CFHR4: variants seen among roughly 807,000 people sequenced by gnomAD.
CFHR4 encodes the protein complement factor H-related protein 4.
A neutral mutation model predicts 69.3 loss-of-function variants in CFHR4; 64 were observed. That is an observed-to-expected ratio of 0.92 (90% confidence interval 0.76 to 1.14). The LOEUF (loss-of-function observed/expected upper bound fraction) is 1.14. Among genes scored for constraint, CFHR4 ranks in the 50% most tolerant of loss-of-function variants. The pLI is 0.00. For missense variants in CFHR4, 636 were observed against 684.9 expected (o/e 0.93, Z 0.80); for synonymous variants, 244 against 237.0 (o/e 1.03, Z -0.27).
rs1445565902 is a variant in CFHR4 at position 196,902,528 on chromosome 1, G to C, written c.169G>C (p.Asp57His). The C allele has an allele frequency of 5.6e-6, 9 of 1,611,700 alleles. No individual in the cohort carries two copies. Among genetic ancestry groups the C allele is most frequent in the Non-Finnish European group, 7.6e-6 (9 of 1,178,920 alleles). Residue 57 changes from aspartate (D) to histidine (H), a missense_variant, in exon 2 of 10, where the codon GAT becomes CAT. Around this residue, in one of 3 missense-constraint regions of CFHR4, gnomAD observed 529 missense variants for 533.2 expected, o/e 0.99. Coordinates refer to ENST00000608469, the MANE Select transcript of CFHR4 (RefSeq NM_001201550.3). ...AGGACAATCTTATTCCTATTACTGT[G>C]ATCAAAATTTTGTGACTCCTTCAGG... Reference protein sequence around the residue: ...AAGQSYSYYCDQNFVTPSGSY... With the variant: ...AAGQSYSYYCHQNFVTPSGSY...
intron 1 of CFHR4, among the ~76,000 whole-genome samples, chr1:196,889,936 G>A (rs1433574138): frequency 2.6e-5 from 4 of 151,420 alleles, no homozygotes; most frequent in Non-Finnish European, 4.4e-5. Flanking sequence ...CAAAGGAAGA[G>A]GCCTCAGAAG....
In CFHR4 at chr1:196,910,531, A is replaced by G. The variant is rs892655223; in HGVS notation, c.997+53A>G. ...TGCATAAAACTTGCAAAGAATGGAGAGAGAAGAGCAAACAAATGATTACAT... is the reference window on the plus strand; with the variant it reads ...TGCATAAAACTTGCAAAGAATGGAGGGAGAAGAGCAAACAAATGATTACAT... On this transcript the variant is annotated intron_variant, in intron 6 of 9. Transcript: ENST00000608469. The G allele has an allele frequency of 1.4e-5, 20 of 1,411,502 alleles. No individual in the cohort carries two copies. In the Admixed American group the frequency reaches 1.6e-4, roughly 11 times the overall value. The allele number at this position is 1,411,502 out of a possible 1,614,324, so 87.4% of individuals were successfully genotyped here. A position where few individuals can be genotyped will look rare whatever the true frequency, so the allele number is the denominator to read the frequency against.
intron 1 of CFHR4, among the ~76,000 whole-genome samples, chr1:196,894,916 C>A (rs1015813945): frequency 6.6e-6 from 1 of 151,222 alleles, no homozygotes; most frequent in Non-Finnish European, 1.5e-5. Flanking sequence ...ACAAATTATT[C>A]AGGTATGGTG....
chr1:196,915,559 C>T (rs1404730115), intron 9 of CFHR4, among the ~76,000 whole-genome samples: 4 of 151,330 alleles, frequency 2.6e-5, no homozygotes, highest in Non-Finnish European at 5.9e-5. Context: ...CATCTGAACC[C>T]GGGAGGCAGA....
rs1007759820 is a variant in CFHR4 at position 196,910,568 on chromosome 1, A to C, written c.997+90A>C. Reference sequence around the variant, plus strand: ...ACAAATGATTACATTGTCTTATATGACAGAGATGGTACCAAAGGAAGAGTT... The same window carrying C: ...ACAAATGATTACATTGTCTTATATGCCAGAGATGGTACCAAAGGAAGAGTT... On this transcript the variant is annotated intron_variant, in intron 6 of 9. Transcript: ENST00000608469. The C allele has an allele frequency of 3.7e-6, 4 of 1,080,692 alleles. No homozygotes were observed. In the African/African-American group the frequency reaches 4.7e-5, roughly 13 times the overall value. 66.9% of individuals were successfully genotyped at this position (1,080,692 alleles called of 1,614,324 possible). A position where few individuals can be genotyped will look rare whatever the true frequency, so the allele number is the denominator to read the frequency against.
intron 5 of CFHR4, 117 bp downstream of exon 5, chr1:196,907,615 C>T (rs114343795): frequency 2.5e-6 from 2 of 799,090 alleles, no homozygotes; most frequent in Non-Finnish European, 1.9e-6. Context: ...AACAGCTATT[C>T]TGCTGAATAT....
chr1:196,893,062 C>G (rs1444603579), intron 1 of CFHR4, among the ~76,000 whole-genome samples: 1 of 151,580 alleles, frequency 6.6e-6, no homozygotes. Flanking sequence ...AAATTAATCT[C>G]CACTGCGTGG....
In CFHR4 at chr1:196,915,631, T is replaced by G. The variant is rs901389660; in HGVS notation, c.1540+493T>G. ...GCCTGGGCGACAGAGGGAGACTCCGTCTCCAAAAATAAAAAAATAAAAAAT... is the reference window on the plus strand; with the variant it reads ...GCCTGGGCGACAGAGGGAGACTCCGGCTCCAAAAATAAAAAAATAAAAAAT... On this transcript the variant is annotated intron_variant, in intron 9 of 9. Transcript: ENST00000608469. 9.0e-5 allele frequency among the ~76,000 whole-genome samples: 13 copies of G among 145,068 alleles called. 1 individual carries two copies. The highest frequency in any genetic ancestry group is 3.3e-4 in the African/African-American group (13 of 39,102).
At position 196,904,835 on chromosome 1, in the gene CFHR4, G is replaced by A. The variant is rs1657821524; in HGVS notation, c.257-273G>A. Among the ~76,000 whole-genome samples, 3 of 151,516 alleles carry A rather than the reference G, an allele frequency of 2.0e-5. 1 individual carries two copies. Among genetic ancestry groups the A allele is most frequent in the African/African-American group, 7.3e-5 (3 of 41,072 alleles). On this transcript the variant is annotated intron_variant, in intron 2 of 9. Coordinates refer to ENST00000608469, the MANE Select transcript of CFHR4 (RefSeq NM_001201550.3). The stretch of plus-strand genomic sequence containing the variant: ...CAGAAACTCTTCCAAATAATTATAG[G>A]GAATTGAGAGTCTGCTAGATCTGCA...
At chr1:196,895,459 A>G (rs1657247144) in intron 1 of CFHR4, among the ~76,000 whole-genome samples, 1 of 151,216 alleles carries the variant, frequency 6.6e-6, no homozygotes, top group Non-Finnish European at 1.5e-5. Context: ...TTTTCACTTT[A>G]TACTTTAATT....
intron 5 of CFHR4, among the ~76,000 whole-genome samples, chr1:196,908,525 T>A (rs879081311): frequency 6.6e-6 from 1 of 151,282 alleles, no homozygotes; most frequent in Admixed American, 6.6e-5. Context: ...TCTCCCCTCG[T>A]CCCAGAATGA....
rs1000452664 is a variant in CFHR4, at chr1:196,913,156, A to T, written c.1180+234A>T. The stretch of plus-strand genomic sequence containing the variant: ...ACTCAATCTGCCTTTACATAAAAGC[A>T]ATCTTATCATGTACAGACTAGTTAG... On this transcript the variant is annotated intron_variant, in intron 7 of 9. Transcript: ENST00000608469. 2.0e-4 allele frequency among the ~76,000 whole-genome samples: 30 copies of T among 151,596 alleles called. 1 individual carries two copies. Among genetic ancestry groups the T allele is most frequent in the African/African-American group, 7.1e-4 (29 of 41,124 alleles).
chr1:196,897,442 T>A (rs1475153295), intron 1 of CFHR4, among the ~76,000 whole-genome samples: 1 of 151,478 alleles, frequency 6.6e-6, no homozygotes, highest in Non-Finnish European at 1.5e-5. Context: ...CTGGGGCCAG[T>A]GTGACAGACT....
chr1:196,901,176 C>T (rs1022215065), intron 1 of CFHR4, among the ~76,000 whole-genome samples: 1 of 150,932 alleles, frequency 6.6e-6, no homozygotes, highest in African/African-American at 2.5e-5. Flanking sequence ...AGGATTTATA[C>T]CCTAAAATCA....
chr1:196,915,726 G>C (rs959508540), intron 9 of CFHR4, among the ~76,000 whole-genome samples: 1 of 151,576 alleles, frequency 6.6e-6, no homozygotes, highest in Non-Finnish European at 1.5e-5. Flanking sequence ...AGAATGTTCA[G>C]AGTCTTCAAT....
At chr1:196,901,784 C>T (rs1030517968) in intron 1 of CFHR4, among the ~76,000 whole-genome samples, 7 of 151,192 alleles carry the variant, frequency 4.6e-5, no homozygotes, top group Middle Eastern at 3.4e-3. Context: ...TTAAAAACAT[C>T]TTATTTTCTA....
chr1:196,899,264 C>T (rs550856796), intron 1 of CFHR4, among the ~76,000 whole-genome samples: 2 of 151,050 alleles, frequency 1.3e-5, no homozygotes, highest in Middle Eastern at 3.4e-3. Context: ...GTGAACCATA[C>T]TTAAAGTGGA....
chr1:196,904,756 G>A (rs945987740), intron 2 of CFHR4, among the ~76,000 whole-genome samples: 1 of 151,538 alleles, frequency 6.6e-6, no homozygotes, highest in African/African-American at 2.4e-5. Flanking sequence ...TTGACTAAAT[G>A]AAGTCTAAGA....
chr1:196,907,325 A>C lies in CFHR4; in HGVS notation c.626A>C (p.Glu209Ala). ...AAGTATTTTTTTTCAGATTCTTCAGAAAACTGTGGGCCTCCTCCACCTATT... is the reference window on the plus strand; with the variant it reads ...AAGTATTTTTTTTCAGATTCTTCAGCAAACTGTGGGCCTCCTCCACCTATT... ...SHLPTCYNSSENCGPPPPISN... is the reference protein window; with the variant it reads ...SHLPTCYNSSANCGPPPPISN... Residue 209 changes from glutamate (E) to alanine (A), a missense_variant, in exon 5 of 10, where the codon GAA (glutamate) becomes GCA (alanine). By Grantham distance (107) the Glu-to-Ala change is moderately radical. This residue lies in a region of CFHR4 where 529 missense variants were observed against 533.2 expected (regional missense o/e 0.99). Coordinates refer to ENST00000608469, the MANE Select transcript of CFHR4 (RefSeq NM_001201550.3). 6.2e-7 allele frequency: 1 copy of C among 1,610,302 alleles called. No individual in the cohort carries two copies. Among genetic ancestry groups the C allele is most frequent in the Non-Finnish European group, 8.5e-7 (1 of 1,177,622 alleles).
Sources: gnomAD v4.1 joint callset for allele counts (sites outside exome capture counted in the v4.1 genomes callset) on GRCh38, gnomAD v4.1.1 for gene constraint, gnomAD v4.1.1 regional missense constraint, MANE v1.5 for transcripts, NCBI Gene and HGNC (gene_info 2026-07-23, HGNC 2026-07-21) for gene names.